Variants in CTNNA2 observed in about 807,000 individuals in gnomAD.
The protein encoded by CTNNA2 is catenin alpha-2.
In CTNNA2, 42 loss-of-function variants were observed where a neutral mutation model predicts 101.0. The ratio of observed to expected loss-of-function variants is 0.42; its 90% CI spans 0.32 to 0.54. The LOEUF (loss-of-function observed/expected upper bound fraction) is 0.54, where lower values mean the gene tolerates loss of function less well. Ranked by LOEUF, CTNNA2 falls within the 20% of genes least tolerant of loss-of-function variation. CTNNA2 has a pLI of 0.14. For missense variants in CTNNA2, 871 were observed against 1,223.1 expected, an observed-to-expected ratio of 0.71 and a Z score of 4.29; for synonymous variants, 450 against 456.4, an observed-to-expected ratio of 0.99 and a Z score of 0.18.
chr2:80,407,474 T>C (rs750899261), intron 8 of CTNNA2, among the ~76,000 whole-genome samples: 1 of 152,218 alleles, frequency 6.6e-6, no homozygotes, highest in Non-Finnish European at 1.5e-5. Flanking sequence ...TCTGTTTGAT[T>C]ATGTAATGTT....
chr2:79,292,303 A>G (rs1032413035), intron 2 of CTNNA2, among the ~76,000 whole-genome samples: 1 of 152,174 alleles, frequency 6.6e-6, no homozygotes. Flanking sequence ...ACTGAATGCT[A>G]TTTATTGGAG....
At position 79,817,374 on chromosome 2, in the gene CTNNA2, G is replaced by A. The variant is rs560413953; in HGVS notation, c.299-40639G>A. 1.5e-3 allele frequency among the ~76,000 whole-genome samples: 170 copies of A among 115,566 alleles called. 1 individual carries two copies. Among genetic ancestry groups the A allele is most frequent in the African/African-American group, 5.3e-3 (162 of 30,682 alleles). 75.8% of individuals were successfully genotyped at this position (115,566 alleles called of 152,430 possible). On this transcript the variant is annotated intron_variant, in intron 3 of 18. Transcript: ENST00000402739. Reference sequence around the variant, plus strand: ...TTCTGAGTTAAATCAGTGACTAAATGTGGTCAGTCTCTTGCTTAAAATCTG... The same window carrying A: ...TTCTGAGTTAAATCAGTGACTAAATATGGTCAGTCTCTTGCTTAAAATCTG...
At chr2:80,404,682 G>T (rs1678900153) in intron 8 of CTNNA2, among the ~76,000 whole-genome samples, 1 of 152,256 alleles carries the variant, frequency 6.6e-6, no homozygotes, top group East Asian at 1.9e-4. Flanking sequence ...GGTTCTTAGG[G>T]GTGGAAGGGA....
chr2:79,408,678 T>C (rs1678368527), intron 4 of CTNNA2, among the ~76,000 whole-genome samples: 1 of 152,258 alleles, frequency 6.6e-6, no homozygotes, highest in African/African-American at 2.4e-5. Context: ...ATGTGCCACA[T>C]TTTCTTAATC....
At chr2:79,504,065 C>A (rs1168148031) in intron 4 of CTNNA2, among the ~76,000 whole-genome samples, 1 of 152,086 alleles carries the variant, frequency 6.6e-6, no homozygotes, top group Non-Finnish European at 1.5e-5. Context: ...AGACCTTCAG[C>A]AATGAAGATT....
At chr2:80,109,730 A>G (rs905505055) in intron 7 of CTNNA2, among the ~76,000 whole-genome samples, 7 of 152,112 alleles carry the variant, frequency 4.6e-5, no homozygotes, top group African/African-American at 1.4e-4. Flanking sequence ...AAATTACCCA[A>G]TATGGGACTA....
chr2:79,808,340 G>T (rs143057432), intron 3 of CTNNA2, among the ~76,000 whole-genome samples: 2 of 152,108 alleles, frequency 1.3e-5, no homozygotes, highest in Non-Finnish European at 2.9e-5. Flanking sequence ...ATATGTTGGC[G>T]AGGCCAATGA....
intron 7 of CTNNA2, among the ~76,000 whole-genome samples, chr2:80,031,698 T>C (rs1376160032): frequency 6.6e-6 from 1 of 152,242 alleles, no homozygotes; most frequent in East Asian, 1.9e-4. Context: ...TAAATTTCTA[T>C]GTTGTTTAAC....
At chr2:79,316,305 T>C (rs1376983440) in intron 3 of CTNNA2, among the ~76,000 whole-genome samples, 2 of 152,062 alleles carry the variant, frequency 1.3e-5, no homozygotes, top group Admixed American at 6.6e-5. Context: ...CAATGATCTT[T>C]GTGTCTCTTC....
chr2:79,862,436 C>A (rs2103976432), intron 4 of CTNNA2, among the ~76,000 whole-genome samples: 1 of 152,264 alleles, frequency 6.6e-6, no homozygotes, highest in Admixed American at 6.5e-5. Flanking sequence ...CTCAAGTCTA[C>A]TTTTTAGTCC....
chr2:80,580,921 T>G (rs1198049049), intron 13 of CTNNA2, among the ~76,000 whole-genome samples: 1 of 151,962 alleles, frequency 6.6e-6, no homozygotes, highest in East Asian at 1.9e-4. Context: ...GTGGCTGAGG[T>G]ACAAGAATAA....
intron 18 of CTNNA2, among the ~76,000 whole-genome samples, chr2:80,624,250 A>C (rs1362507167): frequency 1.3e-5 from 2 of 151,528 alleles, no homozygotes; most frequent in Non-Finnish European, 2.9e-5. Context: ...TGGAAAAAAA[A>C]CGTGTATGTC....
intron 1 of CTNNA2, among the ~76,000 whole-genome samples, chr2:79,644,918 A>G (rs537574429): frequency 2.0e-5 from 3 of 152,258 alleles, no homozygotes; most frequent in African/African-American, 7.2e-5. Context: ...TAAAAGCCGT[A>G]CGCCAGAGTG....
At chr2:80,066,674 T>C (rs1466704215) in intron 7 of CTNNA2, among the ~76,000 whole-genome samples, 2 of 152,188 alleles carry the variant, frequency 1.3e-5, no homozygotes, top group Admixed American at 1.3e-4. Context: ...CAAAGTAGTA[T>C]GGAGATATGT....
At chr2:79,349,799 G>A (rs990752608) in intron 3 of CTNNA2, among the ~76,000 whole-genome samples, 3 of 152,074 alleles carry the variant, frequency 2.0e-5, no homozygotes, top group Admixed American at 2.0e-4. Flanking sequence ...TAGAAAGAAA[G>A]GAAGCCCATT....
At chr2:79,914,172 A>T (rs1245573979) in intron 7 of CTNNA2, among the ~76,000 whole-genome samples, 1 of 150,492 alleles carries the variant, frequency 6.6e-6, no homozygotes, top group African/African-American at 2.4e-5. Context: ...GTCTCAAAAA[A>T]AAAAAAAAAA....
intron 3 of CTNNA2, among the ~76,000 whole-genome samples, chr2:79,371,366 G>A (rs1677867604): frequency 6.6e-6 from 1 of 152,020 alleles, no homozygotes; most frequent in Non-Finnish European, 1.5e-5. Context: ...GTGGGAGGGT[G>A]TGAGGAGGCA....
intron 4 of CTNNA2, among the ~76,000 whole-genome samples, chr2:79,439,093 T>C (rs1488210867): frequency 6.6e-6 from 1 of 152,146 alleles, no homozygotes; most frequent in Non-Finnish European, 1.5e-5. Flanking sequence ...ATTAAAAATA[T>C]ATGTCCACAC....
chr2:80,463,620 G>A (rs1021623254), intron 9 of CTNNA2, among the ~76,000 whole-genome samples: 2 of 152,148 alleles, frequency 1.3e-5, no homozygotes, highest in African/African-American at 4.8e-5. Context: ...GGTAACAAGA[G>A]GAATGAGTTC....
Sources: allele counts gnomAD v4.1 joint callset (sites outside exome capture counted in the v4.1 genomes callset), GRCh38; gene constraint gnomAD v4.1.1; transcripts MANE v1.5; gene names NCBI Gene and HGNC (gene_info 2026-07-23, HGNC 2026-07-21).